PIAS3: variants seen among roughly 807,000 people sequenced by gnomAD.
PIAS3 encodes protein inhibitor of activated STAT 3, also known as E3 SUMO-protein ligase PIAS3.
In PIAS3, 34 loss-of-function variants were observed where a neutral mutation model predicts 67.6. That is an observed-to-expected ratio of 0.50 (90% CI 0.38 to 0.67). PIAS3 has a LOEUF of 0.67. PIAS3 is among the 30% of genes least tolerant of loss of function. PIAS3 has a pLI of 0.00. For missense variants in PIAS3, 693 were observed against 791.6 expected (o/e 0.88, Z 1.49); for synonymous variants, 341 against 313.8 (o/e 1.09, Z -0.92).
chr1:145,849,787 G>C, intron 13 of PIAS3, 75 bp from the exon 14 acceptor site: 1 of 1,508,958 alleles, frequency 6.6e-7, no homozygotes, highest in South Asian at 1.3e-5. Flanking sequence ...TCTCAGAAAT[G>C]CCGTATGAGA....
Position 145,858,973 on chromosome 1 carries a change from T to C in PIAS3, c.18A>G (p.Glu6=). The C allele has an allele frequency of 6.5e-7, 1 of 1,539,842 alleles. No homozygotes were observed. The highest frequency in any genetic ancestry group is 1.2e-5 in the South Asian group (1 of 82,838). The change falls in exon 1 of 14, where the codon GAA becomes GAG. Residue 6 remains glutamate, a synonymous_variant. Coordinates refer to ENST00000393045, the MANE Select transcript of PIAS3 (RefSeq NM_006099.3). ...GGGGGGAGGGGGCCGGTACCTTTAATTCGCCCAGCTCCGCCATCTTGAGAC... is the reference window on the plus strand; with the variant it reads ...GGGGGGAGGGGGCCGGTACCTTTAACTCGCCCAGCTCCGCCATCTTGAGAC... MAELG[E]LKHMVMSFRV... is the part of the protein sequence containing the mutation.
chr1:145,855,218 A>G (rs1653117907), intron 5 of PIAS3, among the ~76,000 whole-genome samples: 1 of 152,214 alleles, frequency 6.6e-6, no homozygotes, highest in South Asian at 2.1e-4. Flanking sequence ...GTACTGGCTC[A>G]TGCCTGTAAT....
Position 145,849,348 on chromosome 1 carries a change from G to T in PIAS3, c.*98C>A. Reference sequence around the variant, plus strand: ...TCTGTGAAGGTCTGTCTGGCCCTTGGCCAGAGCCCCCAGAGGGATCAGAGT... The same window carrying T: ...TCTGTGAAGGTCTGTCTGGCCCTTGTCCAGAGCCCCCAGAGGGATCAGAGT... On this transcript the variant is annotated 3_prime_UTR_variant, in exon 14 of 14. Transcript: ENST00000393045. The T allele has an allele frequency of 7.7e-7, 1 of 1,302,670 alleles. No homozygotes were observed. The highest frequency in any genetic ancestry group is 1.0e-6 in the Non-Finnish European group (1 of 1,002,682). 80.7% of individuals were successfully genotyped at this position (1,302,670 alleles called of 1,614,324 possible).
rs1652913282 is a variant in PIAS3 at position 145,850,531 on chromosome 1, T to G, written c.1504A>C (p.Thr502Pro). 1.2e-6 allele frequency: 2 copies of G among 1,614,216 alleles called. No homozygotes were observed. The highest frequency in any genetic ancestry group is 1.6e-4 in the Middle Eastern group (1 of 6,062). Residue 502 changes from threonine to proline, a missense_variant, in exon 12 of 14, where the codon ACG (threonine) becomes CCG (proline). Around this residue, in one of 3 missense-constraint regions of PIAS3, gnomAD observed 270 missense variants for 261.0 expected, o/e 1.03. Coordinates refer to ENST00000393045, the MANE Select transcript of PIAS3 (RefSeq NM_006099.3). ...CTGGACAGGAAATCCCCACCCAACGTGCCCATAGCAGGGCTCCTTAGCACC... is the reference window on the plus strand; with the variant it reads ...CTGGACAGGAAATCCCCACCCAACGGGCCCATAGCAGGGCTCCTTAGCACC... Reference protein sequence around the residue: ...SSVLRSPAMGTLGGDFLSSLP... With the variant: ...SSVLRSPAMGPLGGDFLSSLP...
At chr1:145,854,048 T>C (rs1553734981) in intron 7 of PIAS3, 162 bp from the exon 8 acceptor site, 1 of 622,250 alleles carries the variant, frequency 1.6e-6, no homozygotes, top group Non-Finnish European at 2.8e-6. Flanking sequence ...ATATGGATGA[T>C]GAAGGCTGGG....
intron 7 of PIAS3, chr1:145,854,092 AACATAGCGTG>A: frequency 1.7e-6 from 1 of 604,306 alleles, no homozygotes; most frequent in Non-Finnish European, 2.9e-6. Context: ...AAGATGCTTA[AACATAGCGTG>A]ACACTCTGGC....
chr1:145,856,293 GA>G (rs1653180115), intron 3 of PIAS3, 53 bp downstream of exon 3: 1 of 1,468,976 alleles, frequency 6.8e-7, no homozygotes, highest in Non-Finnish European at 9.5e-7. Flanking sequence ...CAGAAGAGAA[GA>G]AAGTCAGAAA....
At chr1:145,853,708 T>G (rs1222034117) in intron 8 of PIAS3, 44 bp from the exon 9 acceptor site, 3 of 1,610,378 alleles carry the variant, frequency 1.9e-6, no homozygotes, top group Middle Eastern at 1.7e-4. Context: ...TACTCTGATT[T>G]CATCCCAGAA....
At chr1:145,850,337 T>C in intron 12 of PIAS3, 68 bp from the exon 13 acceptor site, 1 of 1,613,278 alleles carries the variant, frequency 6.2e-7, no homozygotes, top group Non-Finnish European at 8.5e-7. Flanking sequence ...GACAAAGCAC[T>C]GTGGACTGTG....
Position 145,850,807 on chromosome 1 carries a change from G to A in PIAS3, c.1412C>T (p.Thr471Ile). The A allele has an allele frequency of 6.2e-7, 1 of 1,614,212 alleles. No individual in the cohort carries two copies. The highest frequency in any genetic ancestry group is 1.7e-5 in the Admixed American group (1 of 60,024). Residue 471 changes from threonine (T) to isoleucine (I), a missense_variant, in exon 11 of 14, where the codon ACC becomes ATC. This residue lies in a region of PIAS3 where 270 missense variants were observed against 261.0 expected (regional missense o/e 1.03). Coordinates refer to ENST00000393045, the MANE Select transcript of PIAS3 (RefSeq NM_006099.3). ...AGGTAGGGCCGGGATGGCAGCTGAG[G>A]TGACAGAACAGTGCTTCTTGGTAGG... ...LPPTKKHCSV[T>I]SAAIPALPGS...
At chr1:145,855,544 C>T (rs1291905306) in intron 5 of PIAS3, among the ~76,000 whole-genome samples, 192 bp downstream of exon 5, 1 of 152,028 alleles carries the variant, frequency 6.6e-6, no homozygotes, top group African/African-American at 2.4e-5. Flanking sequence ...TGTCCTCCTC[C>T]GAGTTCTCAC....
Position 145,854,266 on chromosome 1 carries a change from G to C in PIAS3, c.910+192C>G, listed in dbSNP as rs1653073368. On this transcript the variant is annotated intron_variant, in intron 7 of 13. Coordinates refer to ENST00000393045, the MANE Select transcript of PIAS3 (RefSeq NM_006099.3). The stretch of plus-strand genomic sequence containing the variant: ...GCAGATACATGATTGGAAATTCAAG[G>C]GTGCCTGGGAGTGGTCCAACTTCAA... The C allele has an allele frequency of 5.0e-6, 3 of 605,640 alleles. No individual in the cohort carries two copies. In the East Asian group the frequency reaches 8.2e-5, roughly 17 times the overall value. 37.5% of individuals were successfully genotyped at this position (605,640 alleles called of 1,614,324 possible).
chr1:145,853,506 A>G lies in PIAS3; in HGVS notation c.1143T>C (p.Asp381=), dbSNP rs1653043178. 6.8e-6 allele frequency: 11 copies of G among 1,607,078 alleles called. No homozygotes were observed. Among genetic ancestry groups the G allele is most frequent in the Middle Eastern group, 1.7e-4 (1 of 6,050 alleles). The stretch of plus-strand genomic sequence containing the variant: ...AAGAGGAAGCAAAATGGCCCTACCC[A>G]TCAATGATAAGAGATTCATAGGGAG... ...KKAPYESLII[D]GLFMEILSSC... Residue 381 remains aspartate (D), a splice_region_variant and synonymous_variant, in exon 9 of 14, where the codon GAT becomes GAC. Coordinates refer to ENST00000393045, the MANE Select transcript of PIAS3 (RefSeq NM_006099.3).
chr1:145,855,483 C>CA (rs200826641), intron 5 of PIAS3, among the ~76,000 whole-genome samples: 22,434 of 129,162 alleles, frequency 0.17, 2,217 homozygotes, highest in East Asian at 0.41. Context: ...GACTCTGTCT[C>CA]AAAAAAAAAA....
In PIAS3 at chr1:145,849,493, C is replaced by A; in HGVS notation, c.1840G>T (p.Gly614Cys). Residue 614 changes from glycine to cysteine, a missense_variant, in exon 14 of 14, where the codon GGT (glycine) becomes TGT (cysteine). By Grantham distance (159) the Gly-to-Cys change is radical. Around this residue, in one of 3 missense-constraint regions of PIAS3, gnomAD observed 270 missense variants for 261.0 expected, o/e 1.03. Coordinates refer to ENST00000393045, the MANE Select transcript of PIAS3 (RefSeq NM_006099.3). The part of the protein sequence containing the change: ...REGHGGPLPS[G>C]PSLTGCRSDI... ...GACCGACAGCCAGTCAAAGAGGGAC[C>A]TGAGGGCAGGGGTCCTCCATGCCCC... is the stretch of plus-strand genomic sequence containing the variant. 1 of 1,530,292 alleles carries A rather than the reference C, an allele frequency of 6.5e-7. No homozygotes were observed. The allele number at this position is 1,530,292 out of a possible 1,614,324, so 94.8% of individuals were successfully genotyped here.
chr1:145,856,157 G>A lies in PIAS3; in HGVS notation c.528-39C>T, dbSNP rs587621919. 5 of 1,564,244 alleles carry A rather than the reference G, an allele frequency of 3.2e-6. No homozygotes were observed. In the East Asian group the frequency reaches 1.1e-4, roughly 35 times the overall value. ...GGAGATGAAGAGATGTCAGCATGTA[G>A]CCCCCAGAGGGCAAGGGTGAATGCA... On this transcript the variant is annotated intron_variant, in intron 3 of 13. Coordinates refer to ENST00000393045, the MANE Select transcript of PIAS3 (RefSeq NM_006099.3).
At chr1:145,852,922 T>A (rs1201785821) in intron 9 of PIAS3, among the ~76,000 whole-genome samples, 1 of 152,138 alleles carries the variant, frequency 6.6e-6, no homozygotes, top group African/African-American at 2.4e-5. Context: ...AGATAACTCA[T>A]GCAAAGTGCT....
Position 145,851,121 on chromosome 1 carries a change from T to A in PIAS3, c.1178A>T (p.Asp393Val). Residue 393 changes from aspartate to valine, a missense_variant, in exon 10 of 14, where the codon GAT becomes GTT. This residue lies in a region of PIAS3 where 115 missense variants were observed against 181.8 expected (regional missense o/e 0.63). Coordinates refer to ENST00000393045, the MANE Select transcript of PIAS3 (RefSeq NM_006099.3). ...LFMEILSSCS[D>V]CDEIQFMEDG... ...TTCCATGAATTGGATCTCATCACAA[T>A]CTGAACAGGAACTAAGAATCTCCAT... 1.2e-6 allele frequency: 2 copies of A among 1,614,020 alleles called. No individual in the cohort carries two copies.
chr1:145,850,999 G>A (rs1559162573), intron 10 of PIAS3, 21 bp downstream of exon 10: 1 of 1,614,172 alleles, frequency 6.2e-7, no homozygotes, highest in Admixed American at 1.7e-5. Flanking sequence ...TAGCTTAGCT[G>A]GGGAACAGGG....
Sources: allele counts gnomAD v4.1 joint callset (sites outside exome capture counted in the v4.1 genomes callset), GRCh38; gene constraint gnomAD v4.1.1; regional missense constraint gnomAD v4.1.1; transcripts MANE v1.5; gene names NCBI Gene and HGNC (gene_info 2026-07-23, HGNC 2026-07-21).